PPP1R14A: variants seen among roughly 807,000 people sequenced by gnomAD.
The protein encoded by PPP1R14A is protein phosphatase 1 regulatory inhibitor subunit 14A.
A neutral mutation model predicts 14.1 loss-of-function variants in PPP1R14A; 9 were observed. The ratio of observed to expected loss-of-function variants is 0.64; its 90% CI spans 0.38 to 1.11. PPP1R14A has a LOEUF of 1.11. PPP1R14A is among the 50% of genes most tolerant of loss of function. The pLI, the probability that PPP1R14A is intolerant of heterozygous loss-of-function variation, is 0.01. For missense variants in PPP1R14A, 208 were observed against 200.7 expected, an observed-to-expected ratio of 1.04 and a Z score of -0.22; for synonymous variants, 93 against 88.7, an observed-to-expected ratio of 1.05 and a Z score of -0.27.
At chr19:38,253,715 A>T (rs1447153856) in intron 1 of PPP1R14A, among the ~76,000 whole-genome samples, 1 of 152,188 alleles carries the variant, frequency 6.6e-6, no homozygotes, top group Non-Finnish European at 1.5e-5. Context: ...CCCCAACCCA[A>T]AGTCCGGCTG....
chr19:38,251,293 G>C lies in PPP1R14A; in HGVS notation c.*25C>G, dbSNP rs762474469. The C allele has an allele frequency of 7.0e-6, 10 of 1,434,310 alleles. No homozygotes were observed. Among genetic ancestry groups the C allele is most frequent in the Middle Eastern group, 1.8e-4 (1 of 5,560 alleles). The allele number at this position is 1,434,310 out of a possible 1,614,324, so 88.8% of individuals were successfully genotyped here. ...TACACAAGCAAGCTGGGCGGCGTCC[G>C]GGGGGCAGGGAGAGTGCAAGAGGGT... is the stretch of plus-strand genomic sequence containing the variant. On this transcript the variant is annotated 3_prime_UTR_variant, in exon 4 of 4. Coordinates refer to ENST00000301242, the MANE Select transcript of PPP1R14A (RefSeq NM_033256.3).
At position 38,252,804 on chromosome 19, in the gene PPP1R14A, C is replaced by G; in HGVS notation, c.282+90G>C. 1.0e-6 allele frequency: 1 copy of G among 958,058 alleles called. No homozygotes were observed. The highest frequency in any genetic ancestry group is 1.7e-6 in the Non-Finnish European group (1 of 587,232). The allele number at this position is 958,058 out of a possible 1,614,324, so 59.3% of individuals were successfully genotyped here. A position where few individuals can be genotyped will look rare whatever the true frequency, so the allele number is the denominator to read the frequency against. The stretch of plus-strand genomic sequence containing the variant: ...AAGCCATCACACCAGTGCCCGGCAT[C>G]TAGTGAGCACTCAGTAAACACGTGA... On this transcript the variant is annotated intron_variant, in intron 2 of 3. Transcript: ENST00000301242. This position sits in a 1 kb window ranked among gnomAD's most constrained non-coding sequence, Gnocchi z 4.1.
chr19:38,251,350 G>C lies in PPP1R14A; in HGVS notation c.412C>G (p.Leu138Val). 6.5e-7 allele frequency: 1 copy of C among 1,543,680 alleles called. No homozygotes were observed. Among genetic ancestry groups the C allele is most frequent in the South Asian group, 1.2e-5 (1 of 80,728 alleles). ...SPSHDGSLSP[L>V]QDRARTAHP ...TGAGCAGTCCGGGCCCGGTCCTGGA[G>C]GGGGCTGAGGCTGCCGTCGTGGGAG... The change falls in exon 4 of 4, where the codon CTC becomes GTC. Residue 138 changes from leucine (L) to valine (V), a missense_variant. Transcript: ENST00000301242.
chr19:38,256,220 C>T lies in PPP1R14A; in HGVS notation c.120G>A (p.Lys40=), dbSNP rs1968246803. 1.3e-6 allele frequency: 2 copies of T among 1,555,396 alleles called. No homozygotes were observed. The highest frequency in any genetic ancestry group is 1.7e-6 in the Non-Finnish European group (2 of 1,154,372). ...LQKRHARVTV[K]YDRRELQRRL... Reference sequence around the variant, plus strand: ...GCCGCTGCAGCTCCCGCCGGTCATACTTGACGGTGACGCGCGCGTGCCGCT... The same window carrying T: ...GCCGCTGCAGCTCCCGCCGGTCATATTTGACGGTGACGCGCGCGTGCCGCT... The change falls in exon 1 of 4, where the codon AAG becomes AAA. Residue 40 remains lysine, a synonymous_variant. Coordinates refer to ENST00000301242, the MANE Select transcript of PPP1R14A (RefSeq NM_033256.3). The surrounding 1 kb of genome is among the most constrained non-coding windows in gnomAD (Gnocchi z 5.7).
chr19:38,251,861 T>A, intron 3 of PPP1R14A: 1 of 330,740 alleles, frequency 3.0e-6, no homozygotes, highest in Non-Finnish European at 5.5e-6. Context: ...TAGAGCTAGT[T>A]GGAGAAACAT....
In PPP1R14A at chr19:38,252,511, C is replaced by T. The variant is rs532339916; in HGVS notation, c.283-173G>A. Among the ~76,000 whole-genome samples the T allele has an allele frequency of 2.6e-5, 4 of 152,174 alleles. No homozygotes were observed. The highest frequency in any genetic ancestry group is 2.1e-4 in the South Asian group (1 of 4,824). Reference sequence around the variant, plus strand: ...AACAGAGCCCAAGGGGCATGTGGATCGACTCAGGGCAGGGGTGAGTTACTA... The same window carrying T: ...AACAGAGCCCAAGGGGCATGTGGATTGACTCAGGGCAGGGGTGAGTTACTA... On this transcript the variant is annotated intron_variant, in intron 2 of 3. Transcript: ENST00000301242. The surrounding 1 kb of genome is among the most constrained non-coding windows in gnomAD (Gnocchi z 4.1).
chr19:38,254,667 AACTCAAGTGATG>A (rs1289494343), intron 1 of PPP1R14A, among the ~76,000 whole-genome samples: 1 of 152,096 alleles, frequency 6.6e-6, no homozygotes, highest in Admixed American at 6.6e-5. Flanking sequence ...TTCAAGCAGA[AACTCAAGTGATG>A]AAGTACCTGT....
At chr19:38,255,744 T>C (rs1211683546) in intron 1 of PPP1R14A, among the ~76,000 whole-genome samples, 2 of 152,004 alleles carry the variant, frequency 1.3e-5, no homozygotes, top group Non-Finnish European at 2.9e-5. Context: ...TTGCTTCCTT[T>C]GCCGTGGGTC....
At position 38,252,430 on chromosome 19, in the gene PPP1R14A, C is replaced by A; in HGVS notation, c.283-92G>T. On this transcript the variant is annotated intron_variant, in intron 2 of 3. Coordinates refer to ENST00000301242, the MANE Select transcript of PPP1R14A (RefSeq NM_033256.3). This position sits in a 1 kb window ranked among gnomAD's most constrained non-coding sequence, Gnocchi z 4.1. ...TCCCTTTCCCAAAAGGCCCCAGCAG[C>A]AAGACAAATGGAAGTCAGACTCCAG... is the stretch of plus-strand genomic sequence containing the variant. The A allele has an allele frequency of 7.7e-7, 1 of 1,299,412 alleles. No homozygotes were observed. The highest frequency in any genetic ancestry group is 1.9e-5 in the Admixed American group (1 of 52,068). The allele number at this position is 1,299,412 out of a possible 1,614,324, so 80.5% of individuals were successfully genotyped here.
At position 38,252,306 on chromosome 19, in the gene PPP1R14A, C is replaced by A; in HGVS notation, c.315G>T (p.Glu105Asp). The change falls in exon 3 of 4, where the codon GAG becomes GAT. Residue 105 changes from glutamate (E) to aspartate (D), a missense_variant and splice_region_variant. Physicochemically the swap from Glu to Asp is conservative, Grantham distance 45. Coordinates refer to ENST00000301242, the MANE Select transcript of PPP1R14A (RefSeq NM_033256.3). The surrounding 1 kb of genome is among the most constrained non-coding windows in gnomAD (Gnocchi z 4.1). ...AGAGAATGAGGGAGAGAAAACTCAC[C>A]TCGACAGGTTTCCCACATGACTTCA... ...GLLKSCGKPV[E>D]DFIQELLAKL... 6.2e-7 allele frequency: 1 copy of A among 1,611,978 alleles called. No homozygotes were observed. Among genetic ancestry groups the A allele is most frequent in the Non-Finnish European group, 8.5e-7 (1 of 1,179,114 alleles).
intron 1 of PPP1R14A, chr19:38,253,313 C>T (rs1227545836): frequency 1.3e-5 from 3 of 233,694 alleles, no homozygotes; most frequent in Non-Finnish European, 2.5e-5. Flanking sequence ...TTCTGGGATT[C>T]GGGAGAGGAG....
intron 3 of PPP1R14A, chr19:38,251,912 G>C (rs953822007): frequency 5.5e-6 from 2 of 361,848 alleles, no homozygotes; most frequent in African/African-American, 4.1e-5. Context: ...AAGTGGGAGG[G>C]GTTGGGCCGC....
chr19:38,252,351 A>C lies in PPP1R14A; in HGVS notation c.283-13T>G, dbSNP rs377093757. On this transcript the variant is annotated splice_polypyrimidine_tract_variant and intron_variant, in intron 2 of 3. Coordinates refer to ENST00000301242, the MANE Select transcript of PPP1R14A (RefSeq NM_033256.3). This position sits in a 1 kb window ranked among gnomAD's most constrained non-coding sequence, Gnocchi z 4.1. ...ACTTCAGGAGTCCCTAAAACCCCCA[A>C]CCAAGAACAAAACAAAACAGTAAAT... 6.2e-7 allele frequency: 1 copy of C among 1,612,058 alleles called. No homozygotes were observed. The highest frequency in any genetic ancestry group is 8.5e-7 in the Non-Finnish European group (1 of 1,179,238).
intron 1 of PPP1R14A, among the ~76,000 whole-genome samples, chr19:38,255,395 C>G (rs1191012479): frequency 1.3e-5 from 2 of 152,228 alleles, no homozygotes; most frequent in Admixed American, 1.3e-4. Context: ...TCACAAAATG[C>G]GTGAGCCACT....
Position 38,252,093 on chromosome 19 carries a change from GC to G in PPP1R14A, c.315+212del. 1 of 595,964 alleles carries G rather than the reference GC, an allele frequency of 1.7e-6. No homozygotes were observed. Among genetic ancestry groups the G allele is most frequent in the Non-Finnish European group, 3.0e-6 (1 of 335,820 alleles). The allele number at this position is 595,964 out of a possible 1,614,324, so 36.9% of individuals were successfully genotyped here. ...GGCAGATGGGGGAGGACAGAATGGA[GC>G]CCCCTCAGCAGATGGGGGAGAGAGG... On this transcript the variant is annotated intron_variant, in intron 3 of 3. Coordinates refer to ENST00000301242, the MANE Select transcript of PPP1R14A (RefSeq NM_033256.3). The surrounding 1 kb of genome is among the most constrained non-coding windows in gnomAD (Gnocchi z 4.1).
rs571440297 is a variant in PPP1R14A at position 38,251,475 on chromosome 19, T to C, written c.316-29A>G. The C allele has an allele frequency of 3.9e-6, 6 of 1,525,358 alleles. No individual in the cohort carries two copies. In the South Asian group the frequency reaches 4.9e-5, roughly 12 times the overall value. 94.5% of individuals were successfully genotyped at this position (1,525,358 alleles called of 1,614,324 possible). On this transcript the variant is annotated intron_variant, in intron 3 of 3. Transcript: ENST00000301242. ...AGACAGGGTGGGGGAGCTGAGAACATGGGAACAGTGCGGGGGCACCCTCTG... is the reference window on the plus strand; with the variant it reads ...AGACAGGGTGGGGGAGCTGAGAACACGGGAACAGTGCGGGGGCACCCTCTG...
rs981200042 is a variant in PPP1R14A at position 38,251,461 on chromosome 19, G to A, written c.316-15C>T. The A allele has an allele frequency of 5.1e-6, 8 of 1,559,030 alleles. No individual in the cohort carries two copies. The highest frequency in any genetic ancestry group is 6.9e-6 in the Non-Finnish European group (8 of 1,161,900). ...TGGATGAAGTCCTGAGACAGGGTGG[G>A]GGAGCTGAGAACATGGGAACAGTGC... On this transcript the variant is annotated splice_polypyrimidine_tract_variant and intron_variant, in intron 3 of 3. Coordinates refer to ENST00000301242, the MANE Select transcript of PPP1R14A (RefSeq NM_033256.3).
chr19:38,253,802 G>A (rs780390472), intron 1 of PPP1R14A, among the ~76,000 whole-genome samples: 7 of 152,252 alleles, frequency 4.6e-5, no homozygotes, highest in Non-Finnish European at 8.8e-5. Context: ...AAGGACACAG[G>A]TGTGTGAGTC....
In PPP1R14A at chr19:38,252,861, G is replaced by A. The variant is rs1317202827; in HGVS notation, c.282+33C>T. On this transcript the variant is annotated intron_variant, in intron 2 of 3. Coordinates refer to ENST00000301242, the MANE Select transcript of PPP1R14A (RefSeq NM_033256.3). The surrounding 1 kb of genome is among the most constrained non-coding windows in gnomAD (Gnocchi z 4.1). ...GCTATTATTTTTAGGGAGGTGCAAA[G>A]TGGGAGGCTGGGGGACACGTCCCCC... 6.7e-7 allele frequency: 1 copy of A among 1,498,318 alleles called. No individual in the cohort carries two copies. Among genetic ancestry groups the A allele is most frequent in the Non-Finnish European group, 9.3e-7 (1 of 1,074,656 alleles). The allele number at this position is 1,498,318 out of a possible 1,614,324, so 92.8% of individuals were successfully genotyped here.
Sources: allele counts gnomAD v4.1 joint callset (sites outside exome capture counted in the v4.1 genomes callset), GRCh38; gene constraint gnomAD v4.1.1; non-coding constraint Gnocchi (gnomAD v3.1); transcripts MANE v1.5; gene names NCBI Gene and HGNC (gene_info 2026-07-23, HGNC 2026-07-21).